HPCAL1: variants seen among roughly 807,000 people sequenced by gnomAD.
HPCAL1 encodes the protein hippocalcin-like protein 1.
In HPCAL1, 8 loss-of-function variants were observed where a neutral mutation model predicts 17.1. The ratio of observed to expected loss-of-function variants is 0.47; its 90% CI spans 0.27 to 0.84. The LOEUF is 0.84. Ranked by LOEUF, HPCAL1 falls within the 40% of genes least tolerant of loss-of-function variation. The pLI is 0.13. For missense variants in HPCAL1, 165 were observed against 271.1 expected (o/e 0.61, Z 2.75); for synonymous variants, 112 against 111.4 (o/e 1.01, Z -0.03).
At chr2:10,388,969 C>A (rs1370546118) in intron 1 of HPCAL1, among the ~76,000 whole-genome samples, 1 of 152,148 alleles carries the variant, frequency 6.6e-6, no homozygotes. Flanking sequence ...CCTGCCTCTG[C>A]TGTCTACCAG....
chr2:10,376,251 A>G (rs1667551623), intron 1 of HPCAL1, among the ~76,000 whole-genome samples: 1 of 152,190 alleles, frequency 6.6e-6, no homozygotes, highest in Non-Finnish European at 1.5e-5. Flanking sequence ...CTCCTTTGTA[A>G]TAATGCAAAC....
chr2:10,334,222 G>A (rs973301403), intron 1 of HPCAL1, among the ~76,000 whole-genome samples: 7 of 152,216 alleles, frequency 4.6e-5, no homozygotes, highest in African/African-American at 1.2e-4. Flanking sequence ...GGTGGCTCAC[G>A]CCTGTAATCC....
intron 2 of HPCAL1, among the ~76,000 whole-genome samples, chr2:10,402,817 C>G (rs536184035): frequency 6.6e-6 from 1 of 152,284 alleles, no homozygotes; most frequent in Non-Finnish European, 1.5e-5. Flanking sequence ...ACCTTGAGCT[C>G]AGCCGTGGGC....
intron 1 of HPCAL1, among the ~76,000 whole-genome samples, chr2:10,368,347 TTGTG>T (rs1006250983): frequency 1.3e-5 from 2 of 150,008 alleles, no homozygotes; most frequent in East Asian, 2.0e-4. Context: ...GTGTGTAGGT[TTGTG>T]TGTGTGTGTG....
chr2:10,346,983 G>C (rs1238003603), intron 1 of HPCAL1, among the ~76,000 whole-genome samples: 1 of 104,718 alleles, frequency 9.5e-6, no homozygotes, highest in African/African-American at 3.9e-5. Flanking sequence ...TAGTTTCTAA[G>C]GGATTTATAT....
intron 2 of HPCAL1, among the ~76,000 whole-genome samples, chr2:10,402,742 T>C (rs1572829414): frequency 1.4e-5 from 2 of 146,664 alleles, no homozygotes; most frequent in South Asian, 4.2e-4. Context: ...TAAAAAAGAA[T>C]TAAAGAAAAA....
rs1666375264 is a variant in HPCAL1 at position 10,359,244 on chromosome 2, GT to G, written c.-110-37590del. Among the ~76,000 whole-genome samples, 1 of 152,140 alleles carries G rather than the reference GT, an allele frequency of 6.6e-6. No homozygotes were observed. Among genetic ancestry groups the G allele is most frequent in the Non-Finnish European group, 1.5e-5 (1 of 68,016 alleles). ...CTCCCTTGGTGTCCATGGGTGTCTG[GT>G]GTGTGCCTATGTTTGCTGCGGGCTG... On this transcript the variant is annotated intron_variant, in intron 1 of 4. Transcript: ENST00000307845. The surrounding 1 kb of genome is among the most constrained non-coding windows in gnomAD (Gnocchi z 4.1).
chr2:10,371,603 C>T (rs937812794), intron 1 of HPCAL1, among the ~76,000 whole-genome samples: 5 of 152,154 alleles, frequency 3.3e-5, no homozygotes, highest in Admixed American at 6.5e-5. Flanking sequence ...GTCTCCTCGA[C>T]GCCAGTCAAC....
chr2:10,415,700 C>T (rs1394720852), intron 2 of HPCAL1, among the ~76,000 whole-genome samples: 1 of 152,188 alleles, frequency 6.6e-6, no homozygotes, highest in East Asian at 1.9e-4. Flanking sequence ...ACCACCCTGC[C>T]ATCCCTGTTA....
intron 4 of HPCAL1, chr2:10,426,349 G>C (rs536091699): frequency 4.9e-6 from 1 of 206,086 alleles, no homozygotes; most frequent in African/African-American, 2.3e-5. Context: ...AACCAGCATG[G>C]CCTTCTCAGC....
intron 2 of HPCAL1, among the ~76,000 whole-genome samples, chr2:10,399,208 GCACCACCACCACCACCAC>G (rs113515977): frequency 1.2e-3 from 6 of 5,108 alleles, no homozygotes; most frequent in South Asian, 5.4e-3. Flanking sequence ...TAATATCACT[GCACCACCACCACCACCAC>G]CACCACCACC....
intron 2 of HPCAL1, among the ~76,000 whole-genome samples, chr2:10,413,423 C>A (rs114836001): frequency 0.012 from 1,831 of 152,386 alleles, 32 homozygotes; most frequent in African/African-American, 0.042. Context: ...GCAACCACAG[C>A]AAGAGTGTCC....
In HPCAL1 at chr2:10,377,646, C is replaced by T. The variant is rs1360223518; in HGVS notation, c.-110-19189C>T. 6.6e-6 allele frequency among the ~76,000 whole-genome samples: 1 copy of T among 152,148 alleles called. No homozygotes were observed. The highest frequency in any genetic ancestry group is 2.4e-5 in the African/African-American group (1 of 41,428). On this transcript the variant is annotated intron_variant, in intron 1 of 4. Coordinates refer to ENST00000307845, the MANE Select transcript of HPCAL1 (RefSeq NM_002149.4). This position sits in a 1 kb window ranked among gnomAD's most constrained non-coding sequence, Gnocchi z 5.9. ...CCCGTGTCCTGCCCACCTCCCCACACTGGCACCTCCTGAGCAGCCCTGGCT... is the reference window on the plus strand; with the variant it reads ...CCCGTGTCCTGCCCACCTCCCCACATTGGCACCTCCTGAGCAGCCCTGGCT...
intron 1 of HPCAL1, among the ~76,000 whole-genome samples, chr2:10,396,123 G>A (rs889052954): frequency 6.6e-6 from 1 of 152,220 alleles, no homozygotes; most frequent in African/African-American, 2.4e-5. Context: ...CACCCGCAAT[G>A]CAAATTTTCC....
At chr2:10,303,712 G>A (rs910100455) in intron 1 of HPCAL1, 12 of 152,288 alleles carry the variant, frequency 7.9e-5, no homozygotes, top group African/African-American at 2.9e-4. Context: ...CTTCTGCCAA[G>A]GGTGGGGGCC....
chr2:10,341,350 C>T (rs997692795), intron 1 of HPCAL1, among the ~76,000 whole-genome samples: 45 of 152,208 alleles, frequency 3.0e-4, no homozygotes, highest in African/African-American at 9.9e-4. Context: ...ACTCGGGAGA[C>T]TGAAGCGGGA....
intron 2 of HPCAL1, among the ~76,000 whole-genome samples, chr2:10,414,761 C>T (rs967687775): frequency 1.3e-5 from 2 of 152,132 alleles, no homozygotes; most frequent in Non-Finnish European, 2.9e-5. Flanking sequence ...AAACCACACA[C>T]GGACATGCTG....
At chr2:10,385,042 C>T (rs145603576) in intron 1 of HPCAL1, among the ~76,000 whole-genome samples, 8 of 151,716 alleles carry the variant, frequency 5.3e-5, no homozygotes, top group African/African-American at 1.9e-4. Flanking sequence ...ATCACTTGAA[C>T]CCGGGAGGTG....
At chr2:10,399,330 A>ATCATCACCGCCG (rs1669334751) in intron 2 of HPCAL1, among the ~76,000 whole-genome samples, 1 of 123,610 alleles carries the variant, frequency 8.1e-6, no homozygotes, top group African/African-American at 3.2e-5. Flanking sequence ...CACCATCACC[A>ATCATCACCGCCG]CCACCACCAC....
Sources: gnomAD v4.1 joint callset for allele counts (sites outside exome capture counted in the v4.1 genomes callset) on GRCh38, gnomAD v4.1.1 for gene constraint, Gnocchi (gnomAD v3.1) non-coding constraint, MANE v1.5 for transcripts, NCBI Gene and HGNC (gene_info 2026-07-23, HGNC 2026-07-21) for gene names.